GLIPR1L1: variants seen among roughly 807,000 people sequenced by gnomAD.
GLIPR1L1 encodes the protein GLIPR1 like 1, also known as GLIPR1-like protein 1.
In GLIPR1L1, 26 loss-of-function variants were observed where a neutral mutation model predicts 29.9. The ratio of observed to expected loss-of-function variants is 0.87; its 90% CI spans 0.64 to 1.21. The LOEUF (loss-of-function observed/expected upper bound fraction) is 1.21, where lower values mean the gene tolerates loss of function less well. Ranked by LOEUF, GLIPR1L1 falls within the 50% of genes most tolerant of loss-of-function variation. The pLI is 0.00. For missense variants in GLIPR1L1, 305 were observed against 290.3 expected (o/e 1.05, Z -0.37); for synonymous variants, 77 against 97.5 (o/e 0.79, Z 1.24).
At chr12:75,364,316 G>T (rs953700121) in intron 4 of GLIPR1L1, among the ~76,000 whole-genome samples, 1 of 152,180 alleles carries the variant, frequency 6.6e-6, no homozygotes, top group Non-Finnish European at 1.5e-5. Flanking sequence ...CAGATGGTTG[G>T]GGGGCTTAGA....
chr12:75,335,960 T>C (rs2041707836), intron 1 of GLIPR1L1, among the ~76,000 whole-genome samples: 3 of 151,996 alleles, frequency 2.0e-5, no homozygotes, highest in South Asian at 4.1e-4. Flanking sequence ...ATATAATAAA[T>C]GTTCTTTATA....
chr12:75,355,113 A>G (rs2043064503), intron 3 of GLIPR1L1, among the ~76,000 whole-genome samples: 1 of 152,248 alleles, frequency 6.6e-6, no homozygotes, highest in African/African-American at 2.4e-5. Context: ...TTGCAACAAA[A>G]GCAAAAATGG....
intron 3 of GLIPR1L1, among the ~76,000 whole-genome samples, chr12:75,355,015 A>C (rs182249357): frequency 3.3e-4 from 51 of 152,314 alleles, no homozygotes; most frequent in African/African-American, 1.1e-3. Context: ...AAAACCCAAA[A>C]CTATAAAAAC....
chr12:75,366,157 T>C (rs1440055203), intron 4 of GLIPR1L1, among the ~76,000 whole-genome samples: 2 of 152,188 alleles, frequency 1.3e-5, no homozygotes, highest in Non-Finnish European at 1.5e-5. Context: ...TTATGACTAC[T>C]CTTAACTTTA....
At chr12:75,358,706 T>C (rs2043318957) in intron 3 of GLIPR1L1, among the ~76,000 whole-genome samples, 2 of 145,962 alleles carry the variant, frequency 1.4e-5, no homozygotes, top group South Asian at 4.2e-4. Flanking sequence ...GTTTTGCTTT[T>C]TTAAACCATA....
intron 4 of GLIPR1L1, among the ~76,000 whole-genome samples, chr12:75,369,312 T>A (rs1175775685): frequency 6.9e-6 from 1 of 145,306 alleles, no homozygotes; most frequent in African/African-American, 2.8e-5. Flanking sequence ...TTACTCATCT[T>A]ATTTATTTAT....
chr12:75,344,723 C>G (rs1487234527), intron 2 of GLIPR1L1, among the ~76,000 whole-genome samples: 1 of 152,072 alleles, frequency 6.6e-6, no homozygotes, highest in Non-Finnish European at 1.5e-5. Context: ...CTGGGTTCAT[C>G]TGTATACTAT....
In GLIPR1L1 at chr12:75,334,685, G is replaced by A. The variant is rs769992780; in HGVS notation, c.-44G>A. 3.8e-6 allele frequency: 6 copies of A among 1,587,554 alleles called. No individual in the cohort carries two copies. Among genetic ancestry groups the A allele is most frequent in the Non-Finnish European group, 5.1e-6 (6 of 1,166,730 alleles). On this transcript the variant is annotated 5_prime_UTR_variant, in exon 1 of 6. Transcript: ENST00000378695. Reference sequence around the variant, plus strand: ...AAATCGGGTTGCCCCAGCCGTTACTGGTCCGCGCAGTCAGGGCATCCTCCG... The same window carrying A: ...AAATCGGGTTGCCCCAGCCGTTACTAGTCCGCGCAGTCAGGGCATCCTCCG...
At chr12:75,337,044 A>G (rs1008757476) in intron 1 of GLIPR1L1, among the ~76,000 whole-genome samples, 12 of 151,866 alleles carry the variant, frequency 7.9e-5, no homozygotes, top group Non-Finnish European at 1.8e-4. Flanking sequence ...AGATTACTAT[A>G]ATTTAGATTT....
chr12:75,336,236 A>G lies in GLIPR1L1; in HGVS notation c.174+1334A>G, dbSNP rs118142430. ...AAGAAGTAGAGCTAAAAATCCAGTA[A>G]GTAGAATACTAAAGTCCTTGATTAA... On this transcript the variant is annotated intron_variant, in intron 1 of 5. Transcript: ENST00000378695. 3.9e-3 allele frequency among the ~76,000 whole-genome samples: 600 copies of G among 152,026 alleles called. 1 individual carries two copies. The highest frequency in any genetic ancestry group is 6.0e-3 in the Non-Finnish European group (409 of 67,800).
intron 1 of GLIPR1L1, among the ~76,000 whole-genome samples, chr12:75,343,482 T>A (rs2042250762): frequency 6.6e-6 from 1 of 152,056 alleles, no homozygotes; most frequent in South Asian, 2.1e-4. Flanking sequence ...ACAGGTAATA[T>A]AACAATGAAC....
At chr12:75,349,038 C>T (rs1388436965) in intron 3 of GLIPR1L1, among the ~76,000 whole-genome samples, 1 of 151,974 alleles carries the variant, frequency 6.6e-6, no homozygotes, top group African/African-American at 2.4e-5. Flanking sequence ...AGCTAGAGTT[C>T]ACGGAAAAGA....
intron 1 of GLIPR1L1, among the ~76,000 whole-genome samples, chr12:75,341,613 A>AT (rs942096027): frequency 4.6e-5 from 7 of 151,166 alleles, no homozygotes; most frequent in Non-Finnish European, 7.4e-5. Flanking sequence ...CGCCCGCAGA[A>AT]TTTTTTGTAT....
intron 3 of GLIPR1L1, among the ~76,000 whole-genome samples, chr12:75,351,999 G>C (rs1190658903): frequency 6.6e-6 from 1 of 152,138 alleles, no homozygotes. Context: ...AAGAGCTCCT[G>C]AAGGAAGCAC....
intron 1 of GLIPR1L1, among the ~76,000 whole-genome samples, chr12:75,340,542 T>G (rs1025632078): frequency 3.9e-5 from 6 of 151,998 alleles, no homozygotes; most frequent in Non-Finnish European, 8.8e-5. Flanking sequence ...TTATTTTGAT[T>G]TTTATCAAGA....
chr12:75,356,919 C>T (rs1259284143), intron 3 of GLIPR1L1, among the ~76,000 whole-genome samples: 3 of 152,022 alleles, frequency 2.0e-5, no homozygotes, highest in South Asian at 2.1e-4. Context: ...CTAGGCACAA[C>T]AGCAGACACG....
At chr12:75,339,144 T>C (rs2041933438) in intron 1 of GLIPR1L1, among the ~76,000 whole-genome samples, 2 of 152,300 alleles carry the variant, frequency 1.3e-5, no homozygotes, top group South Asian at 4.1e-4. Context: ...GGTCAAATGG[T>C]ATTTCTGACT....
At chr12:75,343,648 C>G (rs756568424) in intron 1 of GLIPR1L1, 45 bp from the exon 2 acceptor site, 7 of 1,380,674 alleles carry the variant, frequency 5.1e-6, no homozygotes, top group Non-Finnish European at 6.9e-6. Flanking sequence ...TAATTTAATG[C>G]AAATACTTAT....
intron 1 of GLIPR1L1, among the ~76,000 whole-genome samples, chr12:75,339,551 C>T (rs2041962427): frequency 6.6e-6 from 1 of 152,160 alleles, no homozygotes; most frequent in Admixed American, 6.5e-5. Context: ...TGTCTGTTCA[C>T]TCTGATGATA....
Sources: allele counts gnomAD v4.1 joint callset (sites outside exome capture counted in the v4.1 genomes callset), GRCh38; gene constraint gnomAD v4.1.1; transcripts MANE v1.5; gene names NCBI Gene and HGNC (gene_info 2026-07-23, HGNC 2026-07-21).